Variants in CEMIP observed in about 807,000 individuals in gnomAD.
CEMIP encodes cell migration inducing hyaluronidase 1.
CEMIP carries 105 observed loss-of-function variants against 156.9 expected under a neutral mutation model. The observed-to-expected ratio is 0.67, with a 90% confidence interval of 0.57 to 0.79. The LOEUF (loss-of-function observed/expected upper bound fraction) is 0.79, where lower values mean the gene tolerates loss of function less well. Ranked by LOEUF, CEMIP falls within the 30% of genes least tolerant of loss-of-function variation. The pLI is 0.00. For synonymous variants in CEMIP, 676 were observed against 668.4 expected (o/e 1.01, Z -0.17); for missense variants, 1,457 against 1,769.4 (o/e 0.82, Z 3.17).
At chr15:80,925,780 T>A in intron 19 of CEMIP, 25 bp downstream of exon 19, 1 of 1,608,406 alleles carries the variant, frequency 6.2e-7, no homozygotes, top group South Asian at 1.1e-5. Flanking sequence ...CGTGTGGCTT[T>A]GGCACAAAGG....
At chr15:80,939,961 A>G (rs918640185) in intron 25 of CEMIP, among the ~76,000 whole-genome samples, 6 of 152,216 alleles carry the variant, frequency 3.9e-5, no homozygotes, top group Admixed American at 1.3e-4. Flanking sequence ...TGTGAAATAT[A>G]TAAGCTCTGA....
At chr15:80,881,612 G>A (rs978434908) in intron 6 of CEMIP, among the ~76,000 whole-genome samples, 7 of 152,226 alleles carry the variant, frequency 4.6e-5, no homozygotes, top group Admixed American at 2.6e-4. Flanking sequence ...TGGGAGCACA[G>A]CGAGTGGCGG....
chr15:80,905,227 G>A (rs1045613214), intron 12 of CEMIP, among the ~76,000 whole-genome samples: 5 of 152,188 alleles, frequency 3.3e-5, no homozygotes, highest in Admixed American at 6.5e-5. Flanking sequence ...AGATCACAGC[G>A]AAAGCCAAGC....
chr15:80,833,793 T>C (rs1196025239), intron 1 of CEMIP, among the ~76,000 whole-genome samples: 2 of 151,628 alleles, frequency 1.3e-5, no homozygotes, highest in Middle Eastern at 3.2e-3. Flanking sequence ...CTCAGCCTCC[T>C]TAGTAGCTGG....
chr15:80,836,602 TG>T (rs1364509128), intron 1 of CEMIP, among the ~76,000 whole-genome samples: 2 of 152,248 alleles, frequency 1.3e-5, no homozygotes, highest in Non-Finnish European at 2.9e-5. Flanking sequence ...TGAGTTCTTT[TG>T]TTTTTCCTTT....
chr15:80,800,064 G>T (rs71399424), intron 1 of CEMIP, among the ~76,000 whole-genome samples: 1 of 52,378 alleles, frequency 1.9e-5, no homozygotes. Flanking sequence ...TGTGTGTGTA[G>T]ACGGGATCTC....
intron 3 of CEMIP, among the ~76,000 whole-genome samples, chr15:80,875,450 G>A (rs1411509333): frequency 6.6e-6 from 1 of 152,164 alleles, no homozygotes; most frequent in African/African-American, 2.4e-5. Context: ...GACTCTGCCA[G>A]GAACTGGGTT....
chr15:80,861,744 T>C (rs962376736), intron 1 of CEMIP, among the ~76,000 whole-genome samples: 1 of 152,262 alleles, frequency 6.6e-6, no homozygotes, highest in Non-Finnish European at 1.5e-5. Context: ...CTGCTGATGC[T>C]AGTATTTTCA....
chr15:80,933,458 C>G lies in CEMIP; in HGVS notation c.3007C>G (p.Gln1003Glu), dbSNP rs778497648. 1 of 1,612,772 alleles carries G rather than the reference C, an allele frequency of 6.2e-7. No homozygotes were observed. The highest frequency in any genetic ancestry group is 8.5e-7 in the Non-Finnish European group (1 of 1,178,772). The stretch of plus-strand genomic sequence containing the variant: ...GGCCATTTGCAGTGGGTGCTATGCA[C>G]AGGTGGGGACACCATTCTGGGGGCC... ...RGAICSGCYA[Q>E]MYIQAYKTSN... The change falls in exon 23 of 30, where the codon CAG (glutamine) becomes GAG (glutamate). Residue 1003 changes from glutamine to glutamate, a missense_variant and splice_region_variant. By Grantham distance (29) the Gln-to-Glu change is conservative (BLOSUM62 2). Coordinates refer to ENST00000394685, the MANE Select transcript of CEMIP (RefSeq NM_001293298.2).
At chr15:80,857,177 T>A (rs186435997) in intron 1 of CEMIP, among the ~76,000 whole-genome samples, 35 of 152,326 alleles carry the variant, frequency 2.3e-4, no homozygotes, top group African/African-American at 7.9e-4. Context: ...ACATTCCCTG[T>A]CTCTGCCCTT....
intron 1 of CEMIP, among the ~76,000 whole-genome samples, chr15:80,790,279 G>A (rs1006306051): frequency 2.0e-5 from 3 of 152,148 alleles, no homozygotes; most frequent in African/African-American, 7.2e-5. Context: ...AGCCCCCCAA[G>A]CATGTACATT....
chr15:80,906,681 A>G lies in CEMIP; in HGVS notation c.1430A>G (p.His477Arg). ...VKVAGKPMYL[H>R]IGEEIDGVDM... is the part of the protein sequence containing the mutation. The stretch of plus-strand genomic sequence containing the variant: ...GCCCTAGGGAAACCAATGTACCTGC[A>G]CATCGGGGAGGAGATAGACGGCGTG... The change falls in exon 13 of 30, where the codon CAC becomes CGC. Residue 477 changes from histidine (H) to arginine (R), a missense_variant. Coordinates refer to ENST00000394685, the MANE Select transcript of CEMIP (RefSeq NM_001293298.2). The surrounding 1 kb of genome is among the most constrained non-coding windows in gnomAD (Gnocchi z 4.3). The G allele has an allele frequency of 6.2e-7, 1 of 1,613,876 alleles. No individual in the cohort carries two copies. Among genetic ancestry groups the G allele is most frequent in the Non-Finnish European group, 8.5e-7 (1 of 1,179,778 alleles).
At chr15:80,828,018 G>A (rs1331915716) in intron 1 of CEMIP, among the ~76,000 whole-genome samples, 1 of 152,150 alleles carries the variant, frequency 6.6e-6, no homozygotes, top group East Asian at 1.9e-4. Flanking sequence ...AAGGAAAAAA[G>A]TCATTATCAA....
intron 14 of CEMIP, among the ~76,000 whole-genome samples, chr15:80,911,160 G>A (rs1567096632): frequency 1.3e-5 from 2 of 152,196 alleles, no homozygotes; most frequent in African/African-American, 4.8e-5. Flanking sequence ...GGAAAGCATG[G>A]AGCCCAGTGT....
chr15:80,912,825 G>A (rs1900119860), intron 14 of CEMIP, among the ~76,000 whole-genome samples: 1 of 152,190 alleles, frequency 6.6e-6, no homozygotes, highest in African/African-American at 2.4e-5. Context: ...TTGGCTTGAA[G>A]GATTTACTCA....
intron 19 of CEMIP, among the ~76,000 whole-genome samples, chr15:80,926,975 C>T (rs567346528): frequency 1.3e-5 from 2 of 152,116 alleles, no homozygotes; most frequent in South Asian, 2.1e-4. Flanking sequence ...GGATTACAAG[C>T]GTGCACCACC....
At chr15:80,867,975 A>G (rs1168850002) in intron 1 of CEMIP, among the ~76,000 whole-genome samples, 3 of 152,110 alleles carry the variant, frequency 2.0e-5, no homozygotes, top group Non-Finnish European at 4.4e-5. Flanking sequence ...TTTGTCAGGG[A>G]AGATTTCTGT....
At chr15:80,917,445 G>A (rs1391566520) in intron 14 of CEMIP, among the ~76,000 whole-genome samples, 3 of 152,184 alleles carry the variant, frequency 2.0e-5, no homozygotes, top group African/African-American at 4.8e-5. Context: ...GACCTCAGAT[G>A]TTCTGGCCAG....
chr15:80,780,546 G>A (rs528102271), intron 1 of CEMIP, among the ~76,000 whole-genome samples: 5 of 152,202 alleles, frequency 3.3e-5, no homozygotes, highest in Admixed American at 6.5e-5. Context: ...CAGGAGTTCC[G>A]CCAGCTGCCG....
Sources: gnomAD v4.1 joint callset for allele counts (sites outside exome capture counted in the v4.1 genomes callset) on GRCh38, gnomAD v4.1.1 for gene constraint, Gnocchi (gnomAD v3.1) non-coding constraint, MANE v1.5 for transcripts, NCBI Gene and HGNC (gene_info 2026-07-23, HGNC 2026-07-21) for gene names.